PDE1C: variants seen among roughly 807,000 people sequenced by gnomAD.
PDE1C encodes the protein dual specificity calcium/calmodulin-dependent 3',5'-cyclic nucleotide phosphodiesterase 1C.
A neutral mutation model predicts 93.1 loss-of-function variants in PDE1C; 62 were observed. That is an observed-to-expected ratio of 0.67 (90% CI 0.54 to 0.82). The LOEUF is 0.82. PDE1C is among the 40% of genes least tolerant of loss of function. The probability of loss-of-function intolerance (pLI) is 0.00; values close to 1 mark genes in which losing one functional copy is unlikely to be tolerated. For synonymous variants in PDE1C, 325 were observed against 310.1 expected, an observed-to-expected ratio of 1.05 and a Z score of -0.50; for missense variants, 742 against 884.6, an observed-to-expected ratio of 0.84 and a Z score of 2.04.
the PDE1C span, among the ~76,000 whole-genome samples, chr7:31,623,519 A>G: frequency 1.3e-5 from 2 of 151,794 alleles, no homozygotes; most frequent in Admixed American, 1.3e-4. Flanking sequence ...GATTATCTCA[A>G]TAGATGCAGA....
intron 2 of PDE1C, among the ~76,000 whole-genome samples, chr7:31,933,977 T>C (rs1374139499): frequency 6.6e-6 from 1 of 152,150 alleles, no homozygotes; most frequent in Non-Finnish European, 1.5e-5. Flanking sequence ...CTTAAGAAAA[T>C]AATACCCTAA....
chr7:31,832,676 T>C (rs1168770610), intron 11 of PDE1C, among the ~76,000 whole-genome samples: 1 of 152,232 alleles, frequency 6.6e-6, no homozygotes, highest in Non-Finnish European at 1.5e-5. Context: ...AATAATTTAC[T>C]GAATTTTAAT....
At chr7:32,213,572 C>A (rs181225216) in intron 1 of PDE1C, among the ~76,000 whole-genome samples, 1 of 152,218 alleles carries the variant, frequency 6.6e-6, no homozygotes, top group African/African-American at 2.4e-5. Context: ...TCCAACAGCA[C>A]GCTGCAGGCC....
At chr7:32,116,588 C>T (rs895584429) in intron 3 of PDE1C, among the ~76,000 whole-genome samples, 1 of 152,062 alleles carries the variant, frequency 6.6e-6, no homozygotes, top group East Asian at 1.9e-4. Context: ...ATTTTTCTGC[C>T]ACCTGTATTT....
intron 14 of PDE1C, among the ~76,000 whole-genome samples, chr7:31,818,891 G>A (rs1420136938): frequency 2.6e-5 from 4 of 152,140 alleles, no homozygotes; most frequent in African/African-American, 9.7e-5. Context: ...CTATAAGAGA[G>A]TATAAAATAT....
intron 2 of PDE1C, among the ~76,000 whole-genome samples, chr7:32,007,587 G>T (rs1191119173): frequency 6.6e-6 from 1 of 152,106 alleles, no homozygotes; most frequent in Non-Finnish European, 1.5e-5. Flanking sequence ...GCCACTTCAG[G>T]TCTTTGCCTT....
intron 1 of PDE1C, among the ~76,000 whole-genome samples, chr7:32,264,686 A>G (rs1034518922): frequency 6.6e-6 from 1 of 152,230 alleles, no homozygotes; most frequent in Non-Finnish European, 1.5e-5. Flanking sequence ...ACTAGCAATT[A>G]TCCAAACAGA....
intron 1 of PDE1C, among the ~76,000 whole-genome samples, chr7:32,316,717 A>G (rs1298821253): frequency 6.6e-6 from 1 of 152,218 alleles, no homozygotes; most frequent in African/African-American, 2.4e-5. Flanking sequence ...AGAATCAGAC[A>G]GTCTGTATTA....
At chr7:32,180,523 CA>C (rs1439527409) in intron 2 of PDE1C, among the ~76,000 whole-genome samples, 2 of 152,152 alleles carry the variant, frequency 1.3e-5, no homozygotes, top group African/African-American at 2.4e-5. Context: ...TGTGAGGACA[CA>C]GCGCTCCTCC....
chr7:32,197,266 A>G (rs531159362), intron 2 of PDE1C, among the ~76,000 whole-genome samples: 2 of 152,316 alleles, frequency 1.3e-5, no homozygotes, highest in Admixed American at 6.5e-5. Context: ...TTTCACACAC[A>G]TTAGGGTTAA....
intron 1 of PDE1C, among the ~76,000 whole-genome samples, chr7:32,064,111 G>C (rs182073544): frequency 1.3e-5 from 2 of 152,216 alleles, no homozygotes; most frequent in African/African-American, 4.8e-5. Flanking sequence ...TCCTGGAATT[G>C]CTTTTCTGGT....
chr7:31,790,008 T>C (rs2128658130), intron 16 of PDE1C: 3 of 1,303,226 alleles, frequency 2.3e-6, no homozygotes, highest in Non-Finnish European at 2.9e-6. Context: ...TTTGTTTTGC[T>C]CAGGGGAATA....
intron 1 of PDE1C, among the ~76,000 whole-genome samples, chr7:32,400,238 G>T (rs73307814): frequency 1.6e-3 from 246 of 152,304 alleles, no homozygotes; most frequent in African/African-American, 5.8e-3. Flanking sequence ...TGGCACAGAC[G>T]TGTCTAGCAC....
At chr7:32,270,578 A>G (rs891414513) in intron 1 of PDE1C, among the ~76,000 whole-genome samples, 3 of 152,322 alleles carry the variant, frequency 2.0e-5, no homozygotes, top group Admixed American at 1.3e-4. Flanking sequence ...GGACAAGTTG[A>G]AACTCTACGT....
rs1278990518 is a variant in PDE1C, at chr7:32,034,050, G to C, written c.128+17504C>G. Among the ~76,000 whole-genome samples, 5 of 111,404 alleles carry C rather than the reference G, an allele frequency of 4.5e-5. No individual in the cohort carries two copies. In the East Asian group the frequency reaches 1.4e-3, roughly 32 times the overall value. 73.1% of individuals were successfully genotyped at this position (111,404 alleles called of 152,430 possible). The stretch of plus-strand genomic sequence containing the variant: ...GACTTAATCAGTGGTAGTAAGATGA[G>C]AGACTGTGTGTGTGTGTGTGTGTGT... On this transcript the variant is annotated intron_variant, in intron 2 of 17. Transcript: ENST00000396191.
intron 17 of PDE1C, among the ~76,000 whole-genome samples, chr7:31,761,095 GT>G (rs1794807445): frequency 6.6e-6 from 1 of 150,480 alleles, no homozygotes; most frequent in Non-Finnish European, 1.5e-5. Context: ...TACTGGGCAT[GT>G]ATTTTGGCTA....
chr7:31,632,864 A>AT, the PDE1C span, among the ~76,000 whole-genome samples: 1 of 151,330 alleles, frequency 6.6e-6, no homozygotes, highest in Admixed American at 6.6e-5. Flanking sequence ...GGAGATTTTT[A>AT]TTTTTATTTA....
chr7:31,870,342 T>G (rs1404245228), intron 6 of PDE1C, among the ~76,000 whole-genome samples: 1 of 149,834 alleles, frequency 6.7e-6, no homozygotes, highest in Non-Finnish European at 1.5e-5. Flanking sequence ...ACAAACAAAA[T>G]AAATAAATTG....
At chr7:31,813,441 T>C (rs1244094045) in intron 15 of PDE1C, among the ~76,000 whole-genome samples, 2 of 152,110 alleles carry the variant, frequency 1.3e-5, no homozygotes, top group Non-Finnish European at 2.9e-5. Context: ...AAGAAGCCCA[T>C]GTATTCAGCA....
Sources: gnomAD v4.1 joint callset for allele counts (sites outside exome capture counted in the v4.1 genomes callset) on GRCh38, gnomAD v4.1.1 for gene constraint, MANE v1.5 for transcripts, NCBI Gene and HGNC (gene_info 2026-07-23, HGNC 2026-07-21) for gene names.